Variants in ACVR2B observed in about 807,000 individuals in gnomAD.
ACVR2B encodes the protein activin A receptor type 2B.
ACVR2B carries 18 observed loss-of-function variants against 65.1 expected under a neutral mutation model. That is an observed-to-expected ratio of 0.28 (90% confidence interval 0.19 to 0.41). The LOEUF (loss-of-function observed/expected upper bound fraction) is 0.41, where lower values mean the gene tolerates loss of function less well. ACVR2B is among the 10% of genes least tolerant of loss of function. ACVR2B has a pLI of 1.00. For synonymous variants in ACVR2B, 298 were observed against 277.7 expected (o/e 1.07, Z -0.73); for missense variants, 482 against 682.7 (o/e 0.71, Z 3.28).
rs980937595 is a variant in ACVR2B at position 38,488,436 on chromosome 3, G to A, written c.*5104G>A. The A allele has an allele frequency of 2.0e-5, 3 of 152,030 alleles. No homozygotes were observed. Among genetic ancestry groups the A allele is most frequent in the Admixed American group, 6.5e-5 (1 of 15,270 alleles). The allele number at this position is 152,030 out of a possible 1,614,324, so 9.4% of individuals were successfully genotyped here. A position where few individuals can be genotyped will look rare whatever the true frequency, so the allele number is the denominator to read the frequency against. ...AAAACACCCCCTTGAAAATTAATTC[G>A]GTTGACCCAGTAACATTTTTTAAAA... On this transcript the variant is annotated 3_prime_UTR_variant, in exon 11 of 11. Coordinates refer to ENST00000352511, the MANE Select transcript of ACVR2B (RefSeq NM_001106.4).
In ACVR2B at chr3:38,479,121, G is replaced by C. The variant is rs1709970988; in HGVS notation, c.667-7G>C. The C allele has an allele frequency of 6.2e-7, 1 of 1,614,090 alleles. No homozygotes were observed. Among genetic ancestry groups the C allele is most frequent in the Non-Finnish European group, 8.5e-7 (1 of 1,180,008 alleles). On this transcript the variant is annotated splice_region_variant and splice_polypyrimidine_tract_variant and intron_variant, in intron 5 of 10. Transcript: ENST00000352511. ...TTGTCCCCCCAACCCCTCGCCCCCG[G>C]CCTCAGGACAAGCAGTCGTGGCAGA...
intron 1 of ACVR2B, among the ~76,000 whole-genome samples, chr3:38,472,344 G>A (rs541512390): frequency 1.1e-4 from 16 of 152,170 alleles, no homozygotes; most frequent in East Asian, 3.9e-4. Context: ...GCTGCCTTTC[G>A]AGGGGTGCTG....
rs1388124863 is a variant in ACVR2B at position 38,491,121 on chromosome 3, G to A, written c.*7789G>A. 5 of 152,404 alleles carry A rather than the reference G, an allele frequency of 3.3e-5. No homozygotes were observed. The highest frequency in any genetic ancestry group is 6.5e-5 in the Admixed American group (1 of 15,276). The allele number at this position is 152,404 out of a possible 1,614,324, so 9.4% of individuals were successfully genotyped here. On this transcript the variant is annotated 3_prime_UTR_variant, in exon 11 of 11. Transcript: ENST00000352511. ...AGATGTCTGTAGCATATGTTGCTGT[G>A]AAATTAGGCCTTGTGGGATATGGCT...
chr3:38,457,344 A>G (rs1057204261), intron 1 of ACVR2B, among the ~76,000 whole-genome samples: 5 of 152,230 alleles, frequency 3.3e-5, no homozygotes, highest in Non-Finnish European at 7.3e-5. Flanking sequence ...CCTCAACTCT[A>G]ACTTTCCACA....
chr3:38,469,922 T>A (rs939891209), intron 1 of ACVR2B, among the ~76,000 whole-genome samples: 1 of 152,172 alleles, frequency 6.6e-6, no homozygotes, highest in Non-Finnish European at 1.5e-5. Context: ...AGTTTTTTTT[T>A]AATAGAACTT....
rs1244387185 is a variant in ACVR2B, at chr3:38,485,862, GCAGGCATCTTTACTTTT to G, written c.*2533_*2549del. On this transcript the variant is annotated 3_prime_UTR_variant, in exon 11 of 11. Coordinates refer to ENST00000352511, the MANE Select transcript of ACVR2B (RefSeq NM_001106.4). ...TTCTTTAGCTTTCGCCTCAGGCAGT[GCAGGCATCTTTACTTTT>G]CATCCTCAGAAGAAACAAACGACTA... is the stretch of plus-strand genomic sequence containing the variant. The G allele has an allele frequency of 6.6e-6, 1 of 152,382 alleles. No homozygotes were observed. Among genetic ancestry groups the G allele is most frequent in the Non-Finnish European group, 1.5e-5 (1 of 67,984 alleles). The allele number at this position is 152,382 out of a possible 1,614,324, so 9.4% of individuals were successfully genotyped here.
At chr3:38,461,932 C>T (rs1245603425) in intron 1 of ACVR2B, among the ~76,000 whole-genome samples, 1 of 152,150 alleles carries the variant, frequency 6.6e-6, no homozygotes, top group Non-Finnish European at 1.5e-5. Context: ...GTGGCTCATG[C>T]CTGTAATCCC....
At position 38,477,756 on chromosome 3, in the gene ACVR2B, G is replaced by A; in HGVS notation, c.261-105G>A. 1 of 1,233,238 alleles carries A rather than the reference G, an allele frequency of 8.1e-7. No homozygotes were observed. The highest frequency in any genetic ancestry group is 1.2e-6 in the Non-Finnish European group (1 of 832,612). 76.4% of individuals were successfully genotyped at this position (1,233,238 alleles called of 1,614,324 possible). ...GGTGAGTTCACACCGTCCCCCTGGT[G>A]TTGCCCATGAGGTGCTCTGTCTGTG... is the stretch of plus-strand genomic sequence containing the variant. On this transcript the variant is annotated intron_variant, in intron 2 of 10. Transcript: ENST00000352511. The surrounding 1 kb of genome is among the most constrained non-coding windows in gnomAD (Gnocchi z 6.7).
rs1710178250 is a variant in ACVR2B, at chr3:38,489,574, G to A, written c.*6242G>A. 6.6e-6 allele frequency: 1 copy of A among 152,580 alleles called. No individual in the cohort carries two copies. Among genetic ancestry groups the A allele is most frequent in the South Asian group, 2.1e-4 (1 of 4,830 alleles). The allele number at this position is 152,580 out of a possible 1,614,324, so 9.5% of individuals were successfully genotyped here. ...TTCTTGTGGATTGGGAGGAGAGAGG[G>A]CCTGCAATGTGTTTTACATTGGTGC... is the stretch of plus-strand genomic sequence containing the variant. On this transcript the variant is annotated 3_prime_UTR_variant, in exon 11 of 11. Coordinates refer to ENST00000352511, the MANE Select transcript of ACVR2B (RefSeq NM_001106.4).
In ACVR2B at chr3:38,481,642, T is replaced by C. The variant is rs1045266909; in HGVS notation, c.1074+177T>C. ...GGAGAAACCAAGACCAGGAAGGCAG[T>C]GTAGTTTAGCTTCCGTAGGACAGTC... On this transcript the variant is annotated intron_variant, in intron 8 of 10. Coordinates refer to ENST00000352511, the MANE Select transcript of ACVR2B (RefSeq NM_001106.4). This position sits in a 1 kb window ranked among gnomAD's most constrained non-coding sequence, Gnocchi z 4.7. Among the ~76,000 whole-genome samples, 3 of 152,216 alleles carry C rather than the reference T, an allele frequency of 2.0e-5. No individual in the cohort carries two copies. Among genetic ancestry groups the C allele is most frequent in the Non-Finnish European group, 4.4e-5 (3 of 68,034 alleles).
At chr3:38,460,656 G>A (rs1171573518) in intron 1 of ACVR2B, among the ~76,000 whole-genome samples, 1 of 152,210 alleles carries the variant, frequency 6.6e-6, no homozygotes, top group African/African-American at 2.4e-5. Flanking sequence ...ACCTCTGGAA[G>A]CGGGTGTGGA....
intron 1 of ACVR2B, among the ~76,000 whole-genome samples, chr3:38,463,984 G>C (rs1264254983): frequency 1.3e-5 from 2 of 152,186 alleles, no homozygotes; most frequent in Non-Finnish European, 2.9e-5. Context: ...TACCAGTCCT[G>C]TTGGACTGGA....
intron 1 of ACVR2B, among the ~76,000 whole-genome samples, chr3:38,458,779 G>A (rs147784949): frequency 6.6e-5 from 10 of 152,278 alleles, no homozygotes; most frequent in Middle Eastern, 3.4e-3. Context: ...GCTAGTGACT[G>A]TAGATAGACT....
intron 1 of ACVR2B, among the ~76,000 whole-genome samples, chr3:38,467,490 G>A (rs1709751235): frequency 6.6e-6 from 1 of 151,872 alleles, no homozygotes; most frequent in Non-Finnish European, 1.5e-5. Flanking sequence ...AGTGGCTCAT[G>A]CCTGTAATCC....
chr3:38,476,507 A>G (rs1212629176), intron 1 of ACVR2B: 1 of 152,580 alleles, frequency 6.6e-6, no homozygotes, highest in African/African-American at 2.4e-5. Flanking sequence ...TAAGTTCTCC[A>G]GCCCTGCCGA....
rs1435744812 is a variant in ACVR2B at position 38,479,798 on chromosome 3, G to A, written c.931G>A (p.Glu311Lys). 5 of 1,614,192 alleles carry A rather than the reference G, an allele frequency of 3.1e-6. No individual in the cohort carries two copies. Among genetic ancestry groups the A allele is most frequent in the Non-Finnish European group, 4.2e-6 (5 of 1,180,030 alleles). ...LHEDVPWCRGEGHKPSIAHRD... is the reference protein window; with the variant it reads ...LHEDVPWCRGKGHKPSIAHRD... ...TGAGGATGTGCCCTGGTGCCGTGGC[G>A]AGGGCCACAAGCCGTCTATTGCCCA... Residue 311 changes from glutamate to lysine, a missense_variant, in exon 7 of 11, where the codon GAG (glutamate) becomes AAG (lysine). Physicochemically the swap from Glu to Lys is moderately conservative, Grantham distance 56. Coordinates refer to ENST00000352511, the MANE Select transcript of ACVR2B (RefSeq NM_001106.4).
intron 1 of ACVR2B, among the ~76,000 whole-genome samples, chr3:38,460,912 C>G (rs1414565981): frequency 6.6e-5 from 10 of 152,226 alleles, no homozygotes; most frequent in Non-Finnish European, 1.5e-4. Flanking sequence ...GTTGGAAACC[C>G]AAGCCCTTGG....
rs752059653 is a variant in ACVR2B, at chr3:38,477,377, G to A, written c.143G>A (p.Arg48His). The A allele has an allele frequency of 1.9e-5, 30 of 1,614,040 alleles. No individual in the cohort carries two copies. The highest frequency in any genetic ancestry group is 2.7e-5 in the African/African-American group (2 of 74,918). ...CGCACCAACCAGAGCGGCCTGGAGC[G>A]CTGCGAAGGCGAGCAGGACAAGCGG... ...LERTNQSGLE[R>H]CEGEQDKRLH... The change falls in exon 2 of 11, where the codon CGC (arginine) becomes CAC (histidine). Residue 48 changes from arginine (R) to histidine (H), a missense_variant. Arg to His is a conservative substitution (Grantham distance 29). Coordinates refer to ENST00000352511, the MANE Select transcript of ACVR2B (RefSeq NM_001106.4). The surrounding 1 kb of genome is among the most constrained non-coding windows in gnomAD (Gnocchi z 6.7).
Position 38,479,100 on chromosome 3 carries a change from C to A in ACVR2B, c.667-28C>A, listed in dbSNP as rs762748057. The stretch of plus-strand genomic sequence containing the variant: ...CAGCAGGGCTAAGCCAGCCACTTGT[C>A]CCCCCAACCCCTCGCCCCCGGCCTC... On this transcript the variant is annotated intron_variant, in intron 5 of 10. Transcript: ENST00000352511. 3.7e-6 allele frequency: 6 copies of A among 1,613,524 alleles called. No homozygotes were observed. The South Asian group carries it at 5.5e-5, about 15-fold the overall frequency.
Sources: gnomAD v4.1 joint callset for allele counts (sites outside exome capture counted in the v4.1 genomes callset) on GRCh38, gnomAD v4.1.1 for gene constraint, Gnocchi (gnomAD v3.1) non-coding constraint, MANE v1.5 for transcripts, NCBI Gene and HGNC (gene_info 2026-07-23, HGNC 2026-07-21) for gene names.